Variants in HPRT1 observed in about 807,000 individuals in gnomAD.
HPRT1 encodes hypoxanthine-guanine phosphoribosyltransferase.
In HPRT1, 4 loss-of-function variants were observed where a neutral mutation model predicts 19.0. The observed-to-expected ratio is 0.21, with a 90% confidence interval of 0.10 to 0.48. The LOEUF (loss-of-function observed/expected upper bound fraction) is 0.48. Among genes scored for constraint, HPRT1 ranks in the 20% least tolerant of loss-of-function variants. HPRT1 has a pLI of 0.98. For synonymous variants in HPRT1, 53 were observed against 54.9 expected, an observed-to-expected ratio of 0.97 and a Z score of 0.15; for missense variants, 65 against 164.0, an observed-to-expected ratio of 0.40 and a Z score of 3.30.
intron 5 of HPRT1, among the ~76,000 whole-genome samples, chrX:134,492,012 AATATATATACATAT>A (rs2077668250): frequency 1.0e-5 from 1 of 97,567 alleles, no homozygotes; most frequent in Non-Finnish European, 2.0e-5. Flanking sequence ...CACATATATA[AATATATATACATAT>A]ATATATATAC....
Position 134,486,524 on chromosome X carries a change from T to C in HPRT1, c.378T>C (p.Thr126=). The change falls in exon 4 of 9, where the codon ACT becomes ACC. Residue 126 remains threonine, a synonymous_variant. Coordinates refer to ENST00000298556, the MANE Select transcript of HPRT1 (RefSeq NM_000194.3). ...VIGGDDLSTL[T]GKNVLIVEDI... ...GTGGAGATGATCTCTCAACTTTAACTGGAAAGGTATGTATCTTGAAAGGGA... is the reference window on the plus strand; with the variant it reads ...GTGGAGATGATCTCTCAACTTTAACCGGAAAGGTATGTATCTTGAAAGGGA... 8.9e-7 allele frequency: 1 copy of C among 1,128,660 alleles called. No individual in the cohort carries two copies. The highest frequency in any genetic ancestry group is 1.2e-6 in the Non-Finnish European group (1 of 823,522). 93.0% of individuals were successfully genotyped at this position (1,128,660 alleles called of 1,213,427 possible).
intron 1 of HPRT1, among the ~76,000 whole-genome samples, chrX:134,473,070 A>G (rs2077614729): frequency 1.8e-5 from 2 of 109,296 alleles, no homozygotes; most frequent in South Asian, 7.9e-4. Flanking sequence ...TTGTATTTTT[A>G]GTAGAGACGG....
At chrX:134,465,069 C>T (rs752563209) in intron 1 of HPRT1, among the ~76,000 whole-genome samples, 298 of 110,017 alleles carry the variant, frequency 2.7e-3, no homozygotes, top group African/African-American at 8.0e-3. Flanking sequence ...TACAGGCGCC[C>T]GCCACCACGC....
At chrX:134,467,273 A>G (rs1164511134) in intron 1 of HPRT1, among the ~76,000 whole-genome samples, 2 of 110,931 alleles carry the variant, frequency 1.8e-5, no homozygotes, top group African/African-American at 3.3e-5. Flanking sequence ...CTGGTCTTGA[A>G]CTTCTGGCCT....
At chrX:134,464,039 A>G (rs895923252) in intron 1 of HPRT1, among the ~76,000 whole-genome samples, 4 of 111,448 alleles carry the variant, frequency 3.6e-5, no homozygotes, top group African/African-American at 6.5e-5. Flanking sequence ...GAACATGTCT[A>G]TTCTTCCACT....
At chrX:134,497,443 C>A (rs1275317328) in intron 6 of HPRT1, among the ~76,000 whole-genome samples, 2 of 108,962 alleles carry the variant, frequency 1.8e-5, no homozygotes, top group African/African-American at 6.7e-5. Context: ...ACCAGCCTGA[C>A]CAACATGGAG....
rs1243717287 is a variant in HPRT1, at chrX:134,475,048, T to A, written c.135-133T>A. 3.1e-5 allele frequency: 4 copies of A among 131,142 alleles called. No homozygotes were observed. The East Asian group carries it at 7.8e-4, about 26-fold the overall frequency. 10.8% of individuals were successfully genotyped at this position (131,142 alleles called of 1,213,427 possible). A position where few individuals can be genotyped will look rare whatever the true frequency, so the allele number is the denominator to read the frequency against. On this transcript the variant is annotated intron_variant, in intron 2 of 8. Transcript: ENST00000298556. ...GGTACATGCTACCATGCCTGGCTAATTTTTTTTTTTTTGCAGGCATGGGGT... is the reference window on the plus strand; with the variant it reads ...GGTACATGCTACCATGCCTGGCTAAATTTTTTTTTTTTGCAGGCATGGGGT...
In HPRT1 at chrX:134,473,346, A is replaced by G. The variant is rs2077615596; in HGVS notation, c.28-13A>G. ...GTAATGCTCTCATTGAAACAGCTAT[A>G]TTTCTTTTTCAGATTAGTGATGATG... On this transcript the variant is annotated splice_polypyrimidine_tract_variant and intron_variant, in intron 1 of 8. Coordinates refer to ENST00000298556, the MANE Select transcript of HPRT1 (RefSeq NM_000194.3). 1 of 986,803 alleles carries G rather than the reference A, an allele frequency of 1.0e-6. No homozygotes were observed. The highest frequency in any genetic ancestry group is 1.4e-6 in the Non-Finnish European group (1 of 690,635). 81.3% of individuals were successfully genotyped at this position (986,803 alleles called of 1,213,427 possible).
chrX:134,489,850 A>T, intron 4 of HPRT1, among the ~76,000 whole-genome samples: 1 of 111,999 alleles, frequency 8.9e-6, no homozygotes, highest in Admixed American at 9.5e-5. Flanking sequence ...ACTATAAGAG[A>T]CCAACTGCTT....
intron 6 of HPRT1, among the ~76,000 whole-genome samples, chrX:134,496,795 A>C (rs1470649178): frequency 1.8e-5 from 2 of 111,807 alleles, no homozygotes; most frequent in Non-Finnish European, 3.8e-5. Flanking sequence ...ATTCTGATGT[A>C]ATTGGTCAGG....
intron 3 of HPRT1, among the ~76,000 whole-genome samples, chrX:134,476,718 A>T (rs2077625972): frequency 8.9e-6 from 1 of 112,034 alleles, no homozygotes; most frequent in South Asian, 3.6e-4. Flanking sequence ...ATAAGCAAAA[A>T]CGAGCAAAAT....
At chrX:134,483,827 T>C (rs2077645866) in intron 3 of HPRT1, among the ~76,000 whole-genome samples, 1 of 111,801 alleles carries the variant, frequency 8.9e-6, no homozygotes, top group African/African-American at 3.3e-5. Flanking sequence ...CTTAAATTAA[T>C]ATTCTTTATT....
At chrX:134,492,882 C>T (rs772717238) in intron 5 of HPRT1, among the ~76,000 whole-genome samples, 43 of 111,342 alleles carry the variant, frequency 3.9e-4, no homozygotes, top group Non-Finnish European at 6.6e-4. Flanking sequence ...TTCTGCCTAC[C>T]ACAGCCCAGA....
chrX:134,485,481 G>A (rs1016819521), intron 3 of HPRT1, among the ~76,000 whole-genome samples: 2 of 111,635 alleles, frequency 1.8e-5, no homozygotes, highest in African/African-American at 3.3e-5. Context: ...TAATCCGTCT[G>A]GAATTTATTT....
intron 1 of HPRT1, among the ~76,000 whole-genome samples, chrX:134,467,997 A>G (rs1290587540): frequency 9.3e-6 from 1 of 107,515 alleles, no homozygotes; most frequent in African/African-American, 3.4e-5. Flanking sequence ...TTTTTAGTAG[A>G]GACGGGGTTT....
intron 6 of HPRT1, among the ~76,000 whole-genome samples, chrX:134,497,660 G>C (rs1469763987): frequency 9.3e-6 from 1 of 107,837 alleles, no homozygotes; most frequent in South Asian, 4.1e-4. Flanking sequence ...AGAAAAGAAT[G>C]TTGTGGCCAG....
At chrX:134,477,377 A>T (rs182218310) in intron 3 of HPRT1, among the ~76,000 whole-genome samples, 2,656 of 110,436 alleles carry the variant, frequency 0.024, 89 homozygotes, top group African/African-American at 0.082. Flanking sequence ...TTAATTTTTT[A>T]AAAAAGGCTT....
intron 6 of HPRT1, among the ~76,000 whole-genome samples, chrX:134,497,406 C>T (rs779690187): frequency 6.3e-5 from 7 of 110,475 alleles, no homozygotes; most frequent in South Asian, 3.8e-4. Context: ...CCGAGGTGGA[C>T]GGATCACCTG....
At chrX:134,499,576 G>A (rs1715794422) in intron 8 of HPRT1, among the ~76,000 whole-genome samples, 1 of 111,031 alleles carries the variant, frequency 9.0e-6, no homozygotes, top group East Asian at 2.9e-4. Context: ...AGGCTGAGGC[G>A]GGCGGATCAC....
Sources: gnomAD v4.1 joint callset for allele counts (sites outside exome capture counted in the v4.1 genomes callset) on GRCh38, gnomAD v4.1.1 for gene constraint, MANE v1.5 for transcripts, NCBI Gene and HGNC (gene_info 2026-07-23, HGNC 2026-07-21) for gene names.